Variants in RUNX2 observed in about 807,000 individuals in gnomAD.
RUNX2 encodes runt-related transcription factor 2.
In RUNX2, 10 loss-of-function variants were observed where a neutral mutation model predicts 51.7. The ratio of observed to expected loss-of-function variants is 0.19; its 90% CI spans 0.12 to 0.33. The LOEUF (loss-of-function observed/expected upper bound fraction) is 0.33. Ranked by LOEUF, RUNX2 falls within the 10% of genes least tolerant of loss-of-function variation. The pLI is 1.00. For synonymous variants in RUNX2, 276 were observed against 273.6 expected (o/e 1.01, Z -0.09); for missense variants, 562 against 691.3 (o/e 0.81, Z 2.10).
Position 45,547,353 on chromosome 6 carries a change from G to T in RUNX2, c.*48G>T, listed in dbSNP as rs769454803. On this transcript the variant is annotated 3_prime_UTR_variant, in exon 9 of 9. Coordinates refer to ENST00000647337, the MANE Select transcript of RUNX2 (RefSeq NM_001024630.4). ...GGTATCTGGGGGCCACATCCCACAC[G>T]TATCAATATATACATATATAGAGAG... is the stretch of plus-strand genomic sequence containing the variant. 1.5e-6 allele frequency: 2 copies of T among 1,342,890 alleles called. No homozygotes were observed. The highest frequency in any genetic ancestry group is 1.7e-5 in the Admixed American group (1 of 59,686). The allele number at this position is 1,342,890 out of a possible 1,614,324, so 83.2% of individuals were successfully genotyped here.
At chr6:45,512,549 T>A (rs1801195599) in intron 7 of RUNX2, 142 bp downstream of exon 7, 1 of 891,960 alleles carries the variant, frequency 1.1e-6, no homozygotes. Context: ...GCAAATTAAA[T>A]CTTCTGAATT....
At chr6:45,461,299 C>T (rs1241397823) in intron 5 of RUNX2, among the ~76,000 whole-genome samples, 1 of 152,226 alleles carries the variant, frequency 6.6e-6, no homozygotes, top group East Asian at 1.9e-4. Flanking sequence ...CAGGGAATTA[C>T]AGGGACTGGA....
At chr6:45,401,643 A>G (rs1176500183) in intron 2 of RUNX2, among the ~76,000 whole-genome samples, 1 of 152,260 alleles carries the variant, frequency 6.6e-6, no homozygotes, top group Non-Finnish European at 1.5e-5. Flanking sequence ...CCAGTAATTG[A>G]ATAATTGGAT....
rs556877777 is a variant in RUNX2, at chr6:45,364,993, A to T, written c.58+36209A>T. ...CATTTATAAAGATGAACTAATACTC[A>T]TTTTTCAAATACAGTACCACTGTAG... On this transcript the variant is annotated intron_variant, in intron 2 of 8. Transcript: ENST00000647337. Among the ~76,000 whole-genome samples the T allele has an allele frequency of 7.9e-5, 12 of 152,240 alleles. No homozygotes were observed. The East Asian group carries it at 2.3e-3, about 29-fold the overall frequency.
intron 5 of RUNX2, among the ~76,000 whole-genome samples, chr6:45,445,059 C>T (rs908817617): frequency 6.6e-6 from 1 of 152,164 alleles, no homozygotes; most frequent in African/African-American, 2.4e-5. Context: ...GAGTCTTGCT[C>T]TGTCTCCCAG....
intron 7 of RUNX2, among the ~76,000 whole-genome samples, chr6:45,544,520 C>A (rs1401668243): frequency 2.6e-5 from 4 of 152,180 alleles, no homozygotes; most frequent in African/African-American, 9.7e-5. Flanking sequence ...AGTACAGATA[C>A]ACCTAAGAAG....
chr6:45,396,641 A>G (rs1357788691), intron 2 of RUNX2, among the ~76,000 whole-genome samples: 1 of 152,216 alleles, frequency 6.6e-6, no homozygotes, highest in Admixed American at 6.5e-5. Flanking sequence ...CCTGGGCTCC[A>G]GCGATCCTCT....
At chr6:45,348,330 T>C (rs1791304412) in intron 2 of RUNX2, among the ~76,000 whole-genome samples, 1 of 151,624 alleles carries the variant, frequency 6.6e-6, no homozygotes, top group Non-Finnish European at 1.5e-5. Flanking sequence ...TAAAAAAAAA[T>C]TCTCTACCAT....
intron 5 of RUNX2, among the ~76,000 whole-genome samples, chr6:45,453,112 TC>T: frequency 6.6e-6 from 1 of 151,254 alleles, no homozygotes; most frequent in South Asian, 2.1e-4. Flanking sequence ...CCCCCACCCC[TC>T]CCCCCAAGAT....
Position 45,520,278 on chromosome 6 carries a change from T to A in RUNX2, c.1021+7871T>A, listed in dbSNP as rs555574994. 2.0e-5 allele frequency among the ~76,000 whole-genome samples: 3 copies of A among 152,334 alleles called. No individual in the cohort carries two copies. In the South Asian group the frequency reaches 6.2e-4, roughly 32 times the overall value. The stretch of plus-strand genomic sequence containing the variant: ...TCACACATTTCTTCCTGGAGAAGCA[T>A]GTTTTCTATCATAGCAATTGTCACC... On this transcript the variant is annotated intron_variant, in intron 7 of 8. Coordinates refer to ENST00000647337, the MANE Select transcript of RUNX2 (RefSeq NM_001024630.4).
chr6:45,499,577 G>A (rs1800741415), intron 6 of RUNX2, among the ~76,000 whole-genome samples: 1 of 152,166 alleles, frequency 6.6e-6, no homozygotes, highest in African/African-American at 2.4e-5. Flanking sequence ...TTGGATTTCT[G>A]TCTGTTGGCA....
Position 45,362,435 on chromosome 6 carries a change from C to T in RUNX2, c.58+33651C>T, listed in dbSNP as rs1172397194. 2.0e-5 allele frequency among the ~76,000 whole-genome samples: 3 copies of T among 152,116 alleles called. No individual in the cohort carries two copies. The East Asian group carries it at 5.8e-4, about 29-fold the overall frequency. On this transcript the variant is annotated intron_variant, in intron 2 of 8. Transcript: ENST00000647337. ...GTCACAGAATGAAATTACTGTAACA[C>T]AAAATAAACATAGCAGAATAAGTCC... is the stretch of plus-strand genomic sequence containing the variant.
intron 2 of RUNX2, among the ~76,000 whole-genome samples, chr6:45,329,577 A>G (rs1787041463): frequency 6.6e-6 from 1 of 151,948 alleles, no homozygotes; most frequent in Admixed American, 6.6e-5. Flanking sequence ...GAAACGTCTA[A>G]GATTCTTTTA....
chr6:45,440,154 C>A (rs116199627), intron 5 of RUNX2, among the ~76,000 whole-genome samples: 1 of 152,188 alleles, frequency 6.6e-6, no homozygotes, highest in Non-Finnish European at 1.5e-5. Context: ...ATTTTCCTGA[C>A]ATCATAGGGT....
chr6:45,513,452 C>T (rs74395860), intron 7 of RUNX2: 10 of 152,358 alleles, frequency 6.6e-5, no homozygotes, highest in East Asian at 3.9e-4. Context: ...CTGCAAAGCT[C>T]GAAGCCGTTA....
intron 6 of RUNX2, 57 bp downstream of exon 6, chr6:45,492,171 GCTACC>G: frequency 1.4e-5 from 21 of 1,552,944 alleles, no homozygotes; most frequent in Non-Finnish European, 1.9e-5. Flanking sequence ...GGGGTGAGGG[GCTACC>G]AGAGGAGATG....
In RUNX2 at chr6:45,328,716, A is replaced by G. The variant is rs781491444; in HGVS notation, c.-11A>G. The G allele has an allele frequency of 6.3e-6, 10 of 1,598,816 alleles. No individual in the cohort carries two copies. The East Asian group carries it at 2.2e-4, about 36-fold the overall frequency. ...GGGTACAAGTTCTATCTGAAAAAAA[A>G]AGGAGGGACTATGGCATCAAACAGC... On this transcript the variant is annotated 5_prime_UTR_variant, in exon 2 of 9. Transcript: ENST00000647337.
rs398001403 is a variant in RUNX2, at chr6:45,547,896, G to GT, written c.*608dup. 5.1e-3 allele frequency: 686 copies of GT among 135,544 alleles called. No individual in the cohort carries two copies. Among genetic ancestry groups the GT allele is most frequent in the African/African-American group, 0.01 (375 of 35,718 alleles). The allele number at this position is 135,544 out of a possible 1,614,324, so 8.4% of individuals were successfully genotyped here. ...GGTCCTCATCTGAACTGTTGGGTTC[G>GT]TTTTTTTTTTTTTTTTTCCTGCTCC... On this transcript the variant is annotated 3_prime_UTR_variant, in exon 9 of 9. Coordinates refer to ENST00000647337, the MANE Select transcript of RUNX2 (RefSeq NM_001024630.4).
At chr6:45,459,633 T>C (rs924494266) in intron 5 of RUNX2, among the ~76,000 whole-genome samples, 1 of 152,222 alleles carries the variant, frequency 6.6e-6, no homozygotes, top group Admixed American at 6.5e-5. Flanking sequence ...GTGTTAGGAA[T>C]ATAGCCTTTA....
Sources: allele counts gnomAD v4.1 joint callset (sites outside exome capture counted in the v4.1 genomes callset), GRCh38; gene constraint gnomAD v4.1.1; transcripts MANE v1.5; gene names NCBI Gene and HGNC (gene_info 2026-07-23, HGNC 2026-07-21).